PTER: variants seen among roughly 807,000 people sequenced by gnomAD.
PTER encodes the protein phosphotriesterase related, also known as N-acetyltaurine hydrolase.
PTER carries 38 observed loss-of-function variants against 29.6 expected under a neutral mutation model. That is an observed-to-expected ratio of 1.28 (90% CI 0.99 to 1.68). The LOEUF (loss-of-function observed/expected upper bound fraction) is 1.68. Ranked by LOEUF, PTER falls within the 40% of genes most tolerant of loss-of-function variation. The pLI, the probability that PTER is intolerant of heterozygous loss-of-function variation, is 0.00. For synonymous variants in PTER, 172 were observed against 154.5 expected, an observed-to-expected ratio of 1.11 and a Z score of -0.84; for missense variants, 482 against 427.8, an observed-to-expected ratio of 1.13 and a Z score of -1.12.
chr10:16,512,339 C>A lies in PTER; in HGVS notation c.*1083C>A, dbSNP rs779746552. ...ATCTTTTGGTTGAATCCTCACTATG[C>A]TATTTGGTACCTAAAAATATTCTCC... is the stretch of plus-strand genomic sequence containing the variant. On this transcript the variant is annotated 3_prime_UTR_variant, in exon 5 of 5. Coordinates refer to ENST00000535784, the MANE Select transcript of PTER (RefSeq NM_001261836.2). 5.9e-5 allele frequency: 9 copies of A among 152,166 alleles called. No individual in the cohort carries two copies. The highest frequency in any genetic ancestry group is 1.3e-4 in the Non-Finnish European group (9 of 68,020). 9.4% of individuals were successfully genotyped at this position (152,166 alleles called of 1,614,324 possible). A position where few individuals can be genotyped will look rare whatever the true frequency, so the allele number is the denominator to read the frequency against.
rs1466229076 is a variant in PTER at position 16,513,365 on chromosome 10, C to T, written c.*2109C>T. 2 of 152,338 alleles carry T rather than the reference C, an allele frequency of 1.3e-5. No homozygotes were observed. The highest frequency in any genetic ancestry group is 4.8e-5 in the African/African-American group (2 of 41,370). The allele number at this position is 152,338 out of a possible 1,614,324, so 9.4% of individuals were successfully genotyped here. A position where few individuals can be genotyped will look rare whatever the true frequency, so the allele number is the denominator to read the frequency against. On this transcript the variant is annotated 3_prime_UTR_variant, in exon 5 of 5. Transcript: ENST00000535784. The stretch of plus-strand genomic sequence containing the variant: ...TTTATATTAAAATTTTGAGGCTATA[C>T]AGCCACTGTGCCCTGTGGAATAAAG...
At chr10:16,462,107 C>T (rs1976169) in intron 1 of PTER, among the ~76,000 whole-genome samples, 95,189 of 151,586 alleles carry the variant, frequency 0.63, 31,107 homozygotes, top group East Asian at 0.81. Context: ...TGCCTCAGCC[C>T]CCCAAGTACC....
At chr10:16,451,523 A>G (rs1440128861) in intron 1 of PTER, among the ~76,000 whole-genome samples, 2 of 152,188 alleles carry the variant, frequency 1.3e-5, no homozygotes, top group African/African-American at 4.8e-5. Context: ...AGCCTGGCCA[A>G]CATTACTAAA....
intron 1 of PTER, among the ~76,000 whole-genome samples, chr10:16,475,696 C>T (rs1025886466): frequency 1.3e-5 from 2 of 152,154 alleles, no homozygotes; most frequent in African/African-American, 2.4e-5. Context: ...TCATCGAAAA[C>T]GTCATTTCCA....
At chr10:16,483,275 A>G (rs1009162955) in intron 1 of PTER, among the ~76,000 whole-genome samples, 1 of 152,160 alleles carries the variant, frequency 6.6e-6, no homozygotes, top group African/African-American at 2.4e-5. Flanking sequence ...ATAAATCACA[A>G]TCGCTTTCAT....
At chr10:16,498,727 A>C (rs912443470) in intron 3 of PTER, among the ~76,000 whole-genome samples, 1 of 152,172 alleles carries the variant, frequency 6.6e-6, no homozygotes, top group Admixed American at 6.5e-5. Context: ...CCTCTGTTTA[A>C]TCCTCATCTG....
intron 1 of PTER, among the ~76,000 whole-genome samples, chr10:16,463,357 A>T (rs766623228): frequency 2.6e-5 from 4 of 152,150 alleles, no homozygotes; most frequent in Non-Finnish European, 4.4e-5. Context: ...TATCATGATA[A>T]ATTGGGATTC....
At chr10:16,481,250 C>T (rs1835469604) in intron 1 of PTER, among the ~76,000 whole-genome samples, 2 of 152,188 alleles carry the variant, frequency 1.3e-5, no homozygotes, top group African/African-American at 4.8e-5. Context: ...CTGGAAAATG[C>T]CAGAAGCCTG....
At chr10:16,508,287 C>G (rs934792710) in intron 4 of PTER, among the ~76,000 whole-genome samples, 11 of 152,184 alleles carry the variant, frequency 7.2e-5, no homozygotes, top group African/African-American at 2.6e-4. Flanking sequence ...CCAGGATGGT[C>G]TTGATCTCCT....
At chr10:16,470,593 C>T (rs1456519701) in intron 1 of PTER, among the ~76,000 whole-genome samples, 1 of 152,130 alleles carries the variant, frequency 6.6e-6, no homozygotes, top group Non-Finnish European at 1.5e-5. Flanking sequence ...CAGAGTGAAA[C>T]CCCATGTCTA....
chr10:16,484,280 T>C, intron 1 of PTER, 57 bp from the exon 2 acceptor site: 1 of 1,165,450 alleles, frequency 8.6e-7, no homozygotes, highest in Non-Finnish European at 1.2e-6. Context: ...CGGACAAGAG[T>C]TTATGTGTGT....
At chr10:16,488,685 C>G (rs1024198657) in intron 3 of PTER, among the ~76,000 whole-genome samples, 4 of 151,844 alleles carry the variant, frequency 2.6e-5, no homozygotes, top group African/African-American at 9.7e-5. Context: ...CTCACTGCAG[C>G]CTCACCCTCC....
intron 1 of PTER, among the ~76,000 whole-genome samples, chr10:16,441,967 T>G (rs1355689678): frequency 6.6e-6 from 1 of 152,166 alleles, no homozygotes; most frequent in Non-Finnish European, 1.5e-5. Flanking sequence ...AGTTCTTTCT[T>G]CACAGAAACT....
intron 1 of PTER, among the ~76,000 whole-genome samples, chr10:16,471,979 G>A (rs1835071937): frequency 1.3e-5 from 2 of 152,170 alleles, no homozygotes; most frequent in African/African-American, 4.8e-5. Flanking sequence ...CGTGTGGCTA[G>A]GAGGTTGTCA....
At chr10:16,453,937 T>C (rs1198093661) in intron 1 of PTER, among the ~76,000 whole-genome samples, 1 of 152,228 alleles carries the variant, frequency 6.6e-6, no homozygotes, top group Non-Finnish European at 1.5e-5. Flanking sequence ...CCTTGTTTTA[T>C]TAATGAGAAA....
At chr10:16,465,941 AC>A (rs1371604350) in intron 1 of PTER, among the ~76,000 whole-genome samples, 1 of 152,206 alleles carries the variant, frequency 6.6e-6, no homozygotes, top group Non-Finnish European at 1.5e-5. Flanking sequence ...TATCATGAGA[AC>A]AGCATGGGGA....
At position 16,454,767 on chromosome 10, in the gene PTER, C is replaced by T. The variant is rs994608504; in HGVS notation, c.-49+17720C>T. Among the ~76,000 whole-genome samples, 5 of 151,574 alleles carry T rather than the reference C, an allele frequency of 3.3e-5. 1 individual carries two copies. In the South Asian group the frequency reaches 6.2e-4, roughly 19 times the overall value. On this transcript the variant is annotated intron_variant, in intron 1 of 4. Coordinates refer to ENST00000535784, the MANE Select transcript of PTER (RefSeq NM_001261836.2). ...TTCCAAGTTCTTGATTTTTAATCTACAATTATGTCTAATAACAATAAATAA... is the reference window on the plus strand; with the variant it reads ...TTCCAAGTTCTTGATTTTTAATCTATAATTATGTCTAATAACAATAAATAA...
At position 16,486,356 on chromosome 10, in the gene PTER, C is replaced by T. The variant is rs1176974859; in HGVS notation, c.437C>T (p.Thr146Ile). 1.2e-6 allele frequency: 2 copies of T among 1,612,804 alleles called. No homozygotes were observed. Among genetic ancestry groups the T allele is most frequent in the Admixed American group, 1.7e-5 (1 of 59,946 alleles). ...ETRAMSVEQL[T>I]DVLMNEILHG... Reference sequence around the variant, plus strand: ...TTCCTTCTCACTCTTCCTTAGCTTACCGATGTCCTTATGAATGAAATTCTC... The same window carrying T: ...TTCCTTCTCACTCTTCCTTAGCTTATCGATGTCCTTATGAATGAAATTCTC... Residue 146 changes from threonine (T) to isoleucine (I), a missense_variant, in exon 3 of 5, where the codon ACC becomes ATC. Coordinates refer to ENST00000535784, the MANE Select transcript of PTER (RefSeq NM_001261836.2).
intron 1 of PTER, among the ~76,000 whole-genome samples, chr10:16,473,337 A>G (rs1397545096): frequency 2.0e-5 from 3 of 152,054 alleles, no homozygotes; most frequent in Non-Finnish European, 1.5e-5. Flanking sequence ...TATATTCATT[A>G]TGAGTCCTCC....
Sources: gnomAD v4.1 joint callset for allele counts (sites outside exome capture counted in the v4.1 genomes callset) on GRCh38, gnomAD v4.1.1 for gene constraint, MANE v1.5 for transcripts, NCBI Gene and HGNC (gene_info 2026-07-23, HGNC 2026-07-21) for gene names.